NPAS1: variants seen among roughly 807,000 people sequenced by gnomAD.
The protein encoded by NPAS1 is neuronal PAS domain-containing protein 1.
In NPAS1, 29 loss-of-function variants were observed where a neutral mutation model predicts 49.2. That is an observed-to-expected ratio of 0.59 (90% CI 0.44 to 0.80). The LOEUF (loss-of-function observed/expected upper bound fraction) is 0.80, where lower values mean the gene tolerates loss of function less well. Ranked by LOEUF, NPAS1 falls within the 30% of genes least tolerant of loss-of-function variation. The pLI is 0.00. For synonymous variants in NPAS1, 408 were observed against 380.4 expected (o/e 1.07, Z -0.84); for missense variants, 825 against 835.5 (o/e 0.99, Z 0.15).
At position 47,036,083 on chromosome 19, in the gene NPAS1, CTCT is replaced by C; in HGVS notation, c.645_647del (p.Ser222del). ...GCCCCCCAACCCCGCCCTCCGTCTC[CTCT>C]TCCTCCTCCTCTTCCTCTTCGCTTG... On this transcript the variant is annotated inframe_deletion, in exon 6 of 12. Coordinates refer to ENST00000602212, the MANE Select transcript of NPAS1 (RefSeq NM_002517.4). The C allele has an allele frequency of 6.3e-7, 1 of 1,587,210 alleles. No homozygotes were observed. Among genetic ancestry groups the C allele is most frequent in the Non-Finnish European group, 8.6e-7 (1 of 1,166,952 alleles).
intron 6 of NPAS1, among the ~76,000 whole-genome samples, chr19:47,038,768 A>T (rs1356235943): frequency 1.3e-5 from 2 of 152,148 alleles, no homozygotes; most frequent in Non-Finnish European, 2.9e-5. Flanking sequence ...CGGAGGTTGC[A>T]GTGAGCCAAG....
chr19:47,031,204 T>C (rs941614112), intron 3 of NPAS1, among the ~76,000 whole-genome samples: 22 of 151,674 alleles, frequency 1.5e-4, no homozygotes, highest in Admixed American at 1.3e-3. Context: ...TTTTTTTTTT[T>C]TTTTTTTTTA....
At chr19:47,033,221 C>T (rs1200012125) in intron 5 of NPAS1, among the ~76,000 whole-genome samples, 1 of 151,202 alleles carries the variant, frequency 6.6e-6, no homozygotes, top group African/African-American at 2.4e-5. Context: ...CAGTGTGAGC[C>T]ACTGTCCTGG....
intron 5 of NPAS1, among the ~76,000 whole-genome samples, chr19:47,033,457 G>C (rs1046652317): frequency 2.0e-5 from 3 of 151,068 alleles, no homozygotes; most frequent in African/African-American, 7.3e-5. Context: ...GGTCAGGCTT[G>C]TCTTGAACTC....
chr19:47,025,433 C>T (rs59794629), intron 3 of NPAS1, among the ~76,000 whole-genome samples: 41,114 of 135,370 alleles, frequency 0.3, 13,218 homozygotes, highest in Middle Eastern at 0.44. Flanking sequence ...CATGCGCCAC[C>T]ACGCCCAGCT....
chr19:47,026,871 G>A (rs111294075), intron 3 of NPAS1, among the ~76,000 whole-genome samples: 5 of 151,454 alleles, frequency 3.3e-5, no homozygotes, highest in African/African-American at 7.3e-5. Flanking sequence ...GGAAAATCAC[G>A]TGAACCAGGA....
chr19:47,036,029 G>A lies in NPAS1; in HGVS notation c.588G>A (p.Glu196=). The A allele has an allele frequency of 1.9e-6, 3 of 1,604,060 alleles. No individual in the cohort carries two copies. The highest frequency in any genetic ancestry group is 1.3e-5 in the African/African-American group (1 of 74,790). Residue 196 remains glutamate, a synonymous_variant, in exon 6 of 12, where the codon GAG becomes GAA. Transcript: ENST00000602212. Reference sequence around the variant, plus strand: ...CTGGGGACCACTCAGAGGTGCTGGAGCAACTGGGGCTGCGGACGCCGACGC... The same window carrying A: ...CTGGGGACCACTCAGAGGTGCTGGAACAACTGGGGCTGCGGACGCCGACGC... ...IHPGDHSEVL[E]QLGLRTPTPG...
intron 3 of NPAS1, among the ~76,000 whole-genome samples, chr19:47,025,835 A>G (rs2056867799): frequency 6.6e-6 from 1 of 152,242 alleles, no homozygotes; most frequent in Admixed American, 6.5e-5. Context: ...TTGGCCTCCC[A>G]AAGTGTTGGG....
At chr19:47,038,327 G>A (rs1423940217) in intron 6 of NPAS1, among the ~76,000 whole-genome samples, 2 of 152,118 alleles carry the variant, frequency 1.3e-5, no homozygotes, top group South Asian at 4.1e-4. Flanking sequence ...GACCATCCTG[G>A]CCAACATGGC....
intron 3 of NPAS1, among the ~76,000 whole-genome samples, chr19:47,023,217 C>T (rs1340275414): frequency 6.6e-6 from 1 of 152,080 alleles, no homozygotes; most frequent in Non-Finnish European, 1.5e-5. Context: ...CCGCGAACAA[C>T]ATGTGCGCCG....
chr19:47,034,305 A>C (rs758539533), intron 5 of NPAS1, among the ~76,000 whole-genome samples: 7 of 103,108 alleles, frequency 6.8e-5, no homozygotes, highest in Non-Finnish European at 1.4e-4. Flanking sequence ...CAAGAGCAAA[A>C]CTCCGTCTCA....
chr19:47,032,063 C>A (rs1207248696), intron 3 of NPAS1, among the ~76,000 whole-genome samples: 1 of 152,038 alleles, frequency 6.6e-6, no homozygotes, highest in Non-Finnish European at 1.5e-5. Flanking sequence ...CTATGCACCC[C>A]CTGGCCCGTC....
At chr19:47,020,255 G>A (rs1241838322) in intron 1 of NPAS1, among the ~76,000 whole-genome samples, 1 of 152,010 alleles carries the variant, frequency 6.6e-6, no homozygotes, top group Non-Finnish European at 1.5e-5. Flanking sequence ...CTGAACGCCT[G>A]GTCCTGGAGG....
At chr19:47,023,226 C>T (rs1348940024) in intron 3 of NPAS1, among the ~76,000 whole-genome samples, 3 of 151,502 alleles carry the variant, frequency 2.0e-5, no homozygotes, top group Non-Finnish European at 2.9e-5. Context: ...ACATGTGCGC[C>T]GGCGGGGGAT....
intron 7 of NPAS1, 80 bp downstream of exon 7, chr19:47,039,231 G>A (rs2056992490): frequency 2.7e-6 from 4 of 1,468,838 alleles, no homozygotes; most frequent in Admixed American, 2.1e-5. Context: ...CCAGGCTGGT[G>A]GCTTCACTGG....
rs1204386889 is a variant in NPAS1, at chr19:47,021,108, G to A, written c.61G>A (p.Gly21Ser). The change falls in exon 2 of 12, where the codon GGC (glycine) becomes AGC (serine). Residue 21 changes from glycine to serine, a missense_variant. Gly to Ser is a moderately conservative substitution (Grantham distance 56, BLOSUM62 0). Coordinates refer to ENST00000602212, the MANE Select transcript of NPAS1 (RefSeq NM_002517.4). The surrounding 1 kb of genome is among the most constrained non-coding windows in gnomAD (Gnocchi z 5.7). ...GSEVKCVGGR[G>S]ASVPWDFLPG... ...CGAGGTCAAATGCGTGGGAGGCCGCGGCGCCAGCGTCCCCTGGGACTTTCT... is the reference window on the plus strand; with the variant it reads ...CGAGGTCAAATGCGTGGGAGGCCGCAGCGCCAGCGTCCCCTGGGACTTTCT... 6.2e-6 allele frequency: 10 copies of A among 1,602,742 alleles called. No homozygotes were observed. Among genetic ancestry groups the A allele is most frequent in the Non-Finnish European group, 8.5e-7 (1 of 1,175,488 alleles).
At chr19:47,032,435 A>C in intron 4 of NPAS1, 84 bp downstream of exon 4, 1 of 1,434,914 alleles carries the variant, frequency 7.0e-7, no homozygotes, top group Non-Finnish European at 9.8e-7. Context: ...TTCAGCATCC[A>C]TCTATTGTGG....
At position 47,035,756 on chromosome 19, in the gene NPAS1, A is replaced by G. The variant is rs1415125649; in HGVS notation, c.523-208A>G. 3 of 545,146 alleles carry G rather than the reference A, an allele frequency of 5.5e-6. No individual in the cohort carries two copies. The East Asian group carries it at 9.5e-5, about 17-fold the overall frequency. 33.8% of individuals were successfully genotyped at this position (545,146 alleles called of 1,614,324 possible). ...GAGTGGGCGGGGAAAAATCCTTACT[A>G]ATCACTGGGTATGAAGCGAGAAGAG... On this transcript the variant is annotated intron_variant, in intron 5 of 11. Coordinates refer to ENST00000602212, the MANE Select transcript of NPAS1 (RefSeq NM_002517.4).
chr19:47,020,625 G>C (rs1055545392), intron 1 of NPAS1, among the ~76,000 whole-genome samples: 1 of 152,008 alleles, frequency 6.6e-6, no homozygotes, highest in African/African-American at 2.4e-5. Context: ...CCGGGGGCTG[G>C]GGCGTGCGTG....
Sources: gnomAD v4.1 joint callset for allele counts (sites outside exome capture counted in the v4.1 genomes callset) on GRCh38, gnomAD v4.1.1 for gene constraint, Gnocchi (gnomAD v3.1) non-coding constraint, MANE v1.5 for transcripts, NCBI Gene and HGNC (gene_info 2026-07-23, HGNC 2026-07-21) for gene names.